The following MRPL58 variants were observed in gnomAD, a reference collection of about 807,000 sequenced individuals.
MRPL58 encodes the protein mitochondrial ribosomal protein L58.
A neutral mutation model predicts 26.0 loss-of-function variants in MRPL58; 17 were observed. The ratio of observed to expected loss-of-function variants is 0.65; its 90% CI spans 0.45 to 0.98. MRPL58 has a LOEUF of 0.98. Ranked by LOEUF, MRPL58 falls within the 50% of genes least tolerant of loss-of-function variation. MRPL58 has a pLI of 0.00. For missense variants in MRPL58, 250 were observed against 269.0 expected (o/e 0.93, Z 0.49); for synonymous variants, 100 against 99.7 (o/e 1.00, Z -0.02).
chr17:75,014,942 A>G (rs2039962563), intron 1 of MRPL58, among the ~76,000 whole-genome samples: 1 of 152,208 alleles, frequency 6.6e-6, no homozygotes, highest in South Asian at 2.1e-4. Flanking sequence ...GCTTAATTCT[A>G]ATGGAAGGAG....
At chr17:75,012,997 G>A (rs910746293) in intron 1 of MRPL58, 125 bp downstream of exon 1, 1 of 861,322 alleles carries the variant, frequency 1.2e-6, no homozygotes, top group African/African-American at 1.8e-5. Flanking sequence ...GCCGCGGGAG[G>A]GGGCTGGCTG....
At chr17:75,018,780 T>C (rs935762429) in intron 2 of MRPL58, 5 of 151,952 alleles carry the variant, frequency 3.3e-5, no homozygotes, top group African/African-American at 9.7e-5. Context: ...AAAGAAACAA[T>C]GAGCCTTTTT....
At chr17:75,015,974 G>A (rs1457276864) in intron 1 of MRPL58, among the ~76,000 whole-genome samples, 1 of 151,708 alleles carries the variant, frequency 6.6e-6, no homozygotes, top group Non-Finnish European at 1.5e-5. Context: ...TAGTAGAGGG[G>A]AGGTTTCACC....
chr17:75,020,969 T>C lies in MRPL58; in HGVS notation c.585T>C (p.Ser195=), dbSNP rs923255304. 6.2e-7 allele frequency: 1 copy of C among 1,614,140 alleles called. No individual in the cohort carries two copies. The highest frequency in any genetic ancestry group is 1.7e-5 in the Admixed American group (1 of 60,030). Residue 195 remains serine, a synonymous_variant, in exon 6 of 6, where the codon TCT becomes TCC. Transcript: ENST00000301585. ...GGCTGAGACAAAAGAGAATTCATTC[T>C]GCTGTAAAGACAAGCAGGAGGGTCG... ...RERLRQKRIH[S]AVKTSRRVDM...
chr17:75,020,944 G>A lies in MRPL58; in HGVS notation c.560G>A (p.Arg187Lys), dbSNP rs375187085. 1 of 1,613,790 alleles carries A rather than the reference G, an allele frequency of 6.2e-7. No homozygotes were observed. Among genetic ancestry groups the A allele is most frequent in the Non-Finnish European group, 8.5e-7 (1 of 1,179,828 alleles). Residue 187 changes from arginine (R) to lysine (K), a missense_variant, in exon 6 of 6, where the codon AGG becomes AAG. Transcript: ENST00000301585. ...AGGATAGAAAACATGAATCGGGAAA[G>A]GCTGAGACAAAAGAGAATTCATTCT... ...RIRIENMNRE[R>K]LRQKRIHSAV...
At chr17:75,014,088 T>A (rs2039954034) in intron 1 of MRPL58, among the ~76,000 whole-genome samples, 1 of 151,698 alleles carries the variant, frequency 6.6e-6, no homozygotes, top group Non-Finnish European at 1.5e-5. Flanking sequence ...ATTGGTCAGA[T>A]CCTAGACGTA....
Position 75,012,957 on chromosome 17 carries a change from G to A in MRPL58, c.186+85G>A, listed in dbSNP as rs371063093. The A allele has an allele frequency of 1.4e-5, 18 of 1,280,924 alleles. No homozygotes were observed. The East Asian group carries it at 2.1e-4, about 15-fold the overall frequency. 79.3% of individuals were successfully genotyped at this position (1,280,924 alleles called of 1,614,324 possible). Reference sequence around the variant, plus strand: ...AACCCCAGGCCCATTGGCCGGATGTGGAGCTACGTCGGGGGGCTACGTGAT... The same window carrying A: ...AACCCCAGGCCCATTGGCCGGATGTAGAGCTACGTCGGGGGGCTACGTGAT... On this transcript the variant is annotated intron_variant, in intron 1 of 5. Coordinates refer to ENST00000301585, the MANE Select transcript of MRPL58 (RefSeq NM_001545.3).
At chr17:75,020,819 T>C in intron 5 of MRPL58, 102 bp from the exon 6 acceptor site, 1 of 1,182,090 alleles carries the variant, frequency 8.5e-7, no homozygotes, top group Non-Finnish European at 1.3e-6. Context: ...TAGTGCCTGC[T>C]GGTGTAACTG....
At chr17:75,016,809 G>C (rs372078080) in intron 1 of MRPL58, among the ~76,000 whole-genome samples, 9 of 152,248 alleles carry the variant, frequency 5.9e-5, no homozygotes, top group African/African-American at 2.2e-4. Flanking sequence ...CTGGAGCCAG[G>C]CCTCTGATGG....
chr17:75,014,393 G>A (rs547095173), intron 1 of MRPL58, among the ~76,000 whole-genome samples: 14 of 132,700 alleles, frequency 1.1e-4, no homozygotes, highest in East Asian at 6.4e-4. Flanking sequence ...GGGTTTCACC[G>A]TATTAGCCAG....
At chr17:75,020,114 A>C (rs1038283059) in intron 3 of MRPL58, 199 bp from the exon 4 acceptor site, 1 of 511,824 alleles carries the variant, frequency 2.0e-6, no homozygotes, top group Non-Finnish European at 3.4e-6. Context: ...CTGGGTGCTT[A>C]GTTACTGGAA....
At chr17:75,018,233 C>CTTTTTTTTTT (rs11381155) in intron 2 of MRPL58, among the ~76,000 whole-genome samples, 1 of 146,862 alleles carries the variant, frequency 6.8e-6, no homozygotes. Context: ...TCTGAAATAT[C>CTTTTTTTTTT]TTTTTTTTTT....
At position 75,020,790 on chromosome 17, in the gene MRPL58, G is replaced by A. The variant is rs151033545; in HGVS notation, c.537-131G>A. On this transcript the variant is annotated intron_variant, in intron 5 of 5. Coordinates refer to ENST00000301585, the MANE Select transcript of MRPL58 (RefSeq NM_001545.3). ...TAGGAAGAGGAGAGGATGCTGACCTGGGACCGAGGCCTGCGGGCTAGTGCC... is the reference window on the plus strand; with the variant it reads ...TAGGAAGAGGAGAGGATGCTGACCTAGGACCGAGGCCTGCGGGCTAGTGCC... 2.6e-4 allele frequency: 321 copies of A among 1,231,836 alleles called. 1 individual carries two copies. In the African/African-American group the frequency reaches 4.3e-3, roughly 17 times the overall value. The allele number at this position is 1,231,836 out of a possible 1,614,324, so 76.3% of individuals were successfully genotyped here.
At chr17:75,016,437 A>G (rs1426703820) in intron 1 of MRPL58, among the ~76,000 whole-genome samples, 1 of 152,010 alleles carries the variant, frequency 6.6e-6, no homozygotes, top group African/African-American at 2.4e-5. Flanking sequence ...AAATGAAGGC[A>G]GTCGGGAGTG....
At chr17:75,017,013 C>A in intron 1 of MRPL58, 65 bp from the exon 2 acceptor site, 1 of 1,223,894 alleles carries the variant, frequency 8.2e-7, no homozygotes, top group Non-Finnish European at 1.2e-6. Context: ...TCTTTGTTGC[C>A]TTGAACCAGT....
chr17:75,020,200 A>G, intron 3 of MRPL58, 113 bp from the exon 4 acceptor site: 1 of 826,670 alleles, frequency 1.2e-6, no homozygotes, highest in South Asian at 1.5e-5. Context: ...GCTACAATGT[A>G]CATGGTTAGG....
Position 75,020,950 on chromosome 17 carries a change from G to T in MRPL58, c.566G>T (p.Arg189Ile). 6.2e-7 allele frequency: 1 copy of T among 1,614,026 alleles called. No individual in the cohort carries two copies. Among genetic ancestry groups the T allele is most frequent in the Non-Finnish European group, 8.5e-7 (1 of 1,179,904 alleles). Residue 189 changes from arginine (R) to isoleucine (I), a missense_variant, in exon 6 of 6, where the codon AGA (arginine) becomes ATA (isoleucine). By Grantham distance (97) the Arg-to-Ile change is moderately conservative (BLOSUM62 -3). Coordinates refer to ENST00000301585, the MANE Select transcript of MRPL58 (RefSeq NM_001545.3). Reference protein sequence around the residue: ...RIENMNRERLRQKRIHSAVKT... With the variant: ...RIENMNRERLIQKRIHSAVKT... ...GAAAACATGAATCGGGAAAGGCTGA[G>T]ACAAAAGAGAATTCATTCTGCTGTA...
At chr17:75,020,796 G>A (rs990477135) in intron 5 of MRPL58, 125 bp from the exon 6 acceptor site, 18 of 1,207,850 alleles carry the variant, frequency 1.5e-5, no homozygotes, top group African/African-American at 3.0e-5. Context: ...ACCTGGGACC[G>A]AGGCCTGCGG....
At chr17:75,020,164 C>G in intron 3 of MRPL58, 149 bp from the exon 4 acceptor site, 1 of 653,080 alleles carries the variant, frequency 1.5e-6, no homozygotes, top group Admixed American at 2.7e-5. Flanking sequence ...TCTTTGCGGG[C>G]TTGTTCATAG....
Sources: allele counts gnomAD v4.1 joint callset (sites outside exome capture counted in the v4.1 genomes callset), GRCh38; gene constraint gnomAD v4.1.1; transcripts MANE v1.5; gene names NCBI Gene and HGNC (gene_info 2026-07-23, HGNC 2026-07-21).